The following SLIT2 variants were observed in gnomAD, a reference collection of about 807,000 sequenced individuals.
The protein encoded by SLIT2 is slit homolog 2 protein.
SLIT2 carries 41 observed loss-of-function variants against 185.7 expected under a neutral mutation model. That is an observed-to-expected ratio of 0.22 (90% CI 0.17 to 0.29). The LOEUF is 0.29. Among genes scored for constraint, SLIT2 ranks in the 10% least tolerant of loss-of-function variants. The probability of loss-of-function intolerance (pLI) is 1.00; values close to 1 mark genes in which losing one functional copy is unlikely to be tolerated. For missense variants in SLIT2, 1,571 were observed against 1,909.0 expected, an observed-to-expected ratio of 0.82 and a Z score of 3.30; for synonymous variants, 693 against 680.2, an observed-to-expected ratio of 1.02 and a Z score of -0.29.
At chr4:20,558,013 A>G (rs963901384) in intron 26 of SLIT2, among the ~76,000 whole-genome samples, 7 of 152,080 alleles carry the variant, frequency 4.6e-5, no homozygotes, top group East Asian at 1.9e-4. Context: ...TAAAACTTCA[A>G]TGAATAAGGA....
chr4:20,321,607 G>A (rs77736441), intron 4 of SLIT2, among the ~76,000 whole-genome samples: 9,742 of 152,242 alleles, frequency 0.064, 390 homozygotes, highest in Middle Eastern at 0.1. Flanking sequence ...TCCAGGAGAA[G>A]TACTGTGTAA....
intron 3 of SLIT2, among the ~76,000 whole-genome samples, chr4:20,267,161 C>T (rs767090647): frequency 1.4e-4 from 21 of 152,076 alleles, no homozygotes; most frequent in Non-Finnish European, 2.8e-4. Context: ...TAACAATCTG[C>T]ATTTCATTGA....
At chr4:20,290,909 A>C (rs1001359049) in intron 4 of SLIT2, among the ~76,000 whole-genome samples, 3 of 152,192 alleles carry the variant, frequency 2.0e-5, no homozygotes, top group African/African-American at 7.2e-5. Flanking sequence ...CCTAGCTTAA[A>C]TTATTATGCC....
intron 4 of SLIT2, among the ~76,000 whole-genome samples, chr4:20,448,474 C>G (rs1411257831): frequency 6.6e-6 from 1 of 151,944 alleles, no homozygotes; most frequent in East Asian, 1.9e-4. Context: ...ACATGAGCAA[C>G]TACACCCAGC....
Position 20,589,364 on chromosome 4 carries a change from T to A in SLIT2, c.3089-280T>A, listed in dbSNP as rs564869527. 1.4e-4 allele frequency among the ~76,000 whole-genome samples: 21 copies of A among 152,314 alleles called. No individual in the cohort carries two copies. The South Asian group carries it at 4.4e-3, about 32-fold the overall frequency. ...GCCATTGAAAAGCATTCAGATTTCCTTTTCCTAATTCCCATAGTATATTCT... is the reference window on the plus strand; with the variant it reads ...GCCATTGAAAAGCATTCAGATTTCCATTTCCTAATTCCCATAGTATATTCT... On this transcript the variant is annotated intron_variant, in intron 29 of 36. Transcript: ENST00000504154.
intron 4 of SLIT2, among the ~76,000 whole-genome samples, chr4:20,369,715 G>A (rs1278891266): frequency 6.6e-6 from 1 of 152,004 alleles, no homozygotes; most frequent in Non-Finnish European, 1.5e-5. Context: ...CCTCTCCTAT[G>A]TCACTGCTTT....
At chr4:20,304,267 TA>T in intron 4 of SLIT2, among the ~76,000 whole-genome samples, 1 of 152,048 alleles carries the variant, frequency 6.6e-6, no homozygotes, top group African/African-American at 2.4e-5. Flanking sequence ...ATAACTTTTT[TA>T]AAAGAAAAGA....
chr4:20,522,136 T>C (rs1257622514), intron 12 of SLIT2, among the ~76,000 whole-genome samples: 1 of 152,160 alleles, frequency 6.6e-6, no homozygotes, highest in African/African-American at 2.4e-5. Flanking sequence ...CAAAGGGACC[T>C]TTTCACCTCT....
At chr4:20,410,649 C>T (rs61789410) in intron 4 of SLIT2, among the ~76,000 whole-genome samples, 13,632 of 152,050 alleles carry the variant, frequency 0.09, 679 homozygotes, top group South Asian at 0.17. Context: ...AGCCTGCTCT[C>T]CCAGTACCAT....
At chr4:20,317,300 TGAAAG>T (rs1718687611) in intron 4 of SLIT2, among the ~76,000 whole-genome samples, 1 of 150,244 alleles carries the variant, frequency 6.7e-6, no homozygotes, top group Non-Finnish European at 1.5e-5. Context: ...TTTGTTAAAA[TGAAAG>T]GAAAGAAAAA....
At chr4:20,539,344 A>G in intron 18 of SLIT2, 97 bp from the exon 19 acceptor site, 1 of 1,046,252 alleles carries the variant, frequency 9.6e-7, no homozygotes, top group Non-Finnish European at 1.4e-6. Flanking sequence ...GTAGTAATGA[A>G]TGCTACATAT....
At chr4:20,589,552 C>A in intron 29 of SLIT2, 92 bp from the exon 30 acceptor site, 2 of 959,596 alleles carry the variant, frequency 2.1e-6, no homozygotes, top group South Asian at 1.4e-5. Flanking sequence ...ACAAGCTGCC[C>A]TAACCTCTAA....
At chr4:20,548,716 A>G (rs1723469433) in intron 23 of SLIT2, among the ~76,000 whole-genome samples, 157 bp downstream of exon 23, 1 of 152,164 alleles carries the variant, frequency 6.6e-6, no homozygotes. Flanking sequence ...AACAATGTAG[A>G]CATTAGGAAA....
chr4:20,509,717 T>G (rs1053742022), intron 9 of SLIT2, among the ~76,000 whole-genome samples: 19 of 152,184 alleles, frequency 1.2e-4, no homozygotes, highest in Non-Finnish European at 2.1e-4. Flanking sequence ...ACCAAAAGAC[T>G]TCATGCAATC....
intron 4 of SLIT2, among the ~76,000 whole-genome samples, chr4:20,419,282 T>G (rs1727966622): frequency 6.6e-6 from 1 of 152,226 alleles, no homozygotes; most frequent in Non-Finnish European, 1.5e-5. Context: ...TTATAATTTT[T>G]ATACATTTAA....
chr4:20,480,448 A>T (rs891133410), intron 5 of SLIT2, among the ~76,000 whole-genome samples: 6 of 152,164 alleles, frequency 3.9e-5, no homozygotes, highest in Non-Finnish European at 1.5e-5. Context: ...ATGAAATTGC[A>T]TTCCTATGGC....
At chr4:20,611,875 C>G (rs568094897) in intron 34 of SLIT2, among the ~76,000 whole-genome samples, 2 of 152,268 alleles carry the variant, frequency 1.3e-5, no homozygotes, top group South Asian at 4.1e-4. Context: ...GTAGACACCT[C>G]ATTTAAGTCC....
Position 20,587,000 on chromosome 4 carries a change from T to C in SLIT2, c.3089-2644T>C, listed in dbSNP as rs6849723. 9.0e-3 allele frequency among the ~76,000 whole-genome samples: 1,368 copies of C among 152,248 alleles called. 19 individuals carry two copies. Among genetic ancestry groups the C allele is most frequent in the African/African-American group, 0.031 (1,290 of 41,546 alleles). On this transcript the variant is annotated intron_variant, in intron 29 of 36. Coordinates refer to ENST00000504154, the MANE Select transcript of SLIT2 (RefSeq NM_004787.4). ...GTTTTTGTAATATTTGTTAGCATTATAATGTTCGGTGATAATAAAGAAAAT... is the reference window on the plus strand; with the variant it reads ...GTTTTTGTAATATTTGTTAGCATTACAATGTTCGGTGATAATAAAGAAAAT...
At chr4:20,337,832 C>G (rs1271248650) in intron 4 of SLIT2, among the ~76,000 whole-genome samples, 1 of 151,990 alleles carries the variant, frequency 6.6e-6, no homozygotes, top group African/African-American at 2.4e-5. Flanking sequence ...TTCTTTTGCT[C>G]CTTGTGTGTT....
Sources: allele counts gnomAD v4.1 joint callset (sites outside exome capture counted in the v4.1 genomes callset), GRCh38; gene constraint gnomAD v4.1.1; transcripts MANE v1.5; gene names NCBI Gene and HGNC (gene_info 2026-07-23, HGNC 2026-07-21).